NCALD: variants seen among roughly 807,000 people sequenced by gnomAD.
NCALD encodes neurocalcin-delta.
NCALD carries 10 observed loss-of-function variants against 18.6 expected under a neutral mutation model. The observed-to-expected ratio is 0.54, with a 90% CI of 0.33 to 0.91. The LOEUF is 0.91. NCALD is among the 40% of genes least tolerant of loss of function. The pLI, the probability that NCALD is intolerant of heterozygous loss-of-function variation, is 0.03. For synonymous variants in NCALD, 88 were observed against 87.4 expected (o/e 1.01, Z -0.04); for missense variants, 184 against 247.6 (o/e 0.74, Z 1.72).
intron 4 of NCALD, among the ~76,000 whole-genome samples, chr8:101,797,807 T>G (rs1229151028): frequency 1.3e-5 from 2 of 149,400 alleles, no homozygotes; most frequent in Non-Finnish European, 3.0e-5. Flanking sequence ...ACAGTGAGAC[T>G]CCATCTCAAA....
chr8:101,741,910 C>T (rs1265419477), intron 1 of NCALD, among the ~76,000 whole-genome samples: 1 of 129,204 alleles, frequency 7.7e-6, no homozygotes, highest in African/African-American at 2.8e-5. Flanking sequence ...GCACTCCAGC[C>T]TTGGCAATAC....
intron 2 of NCALD, among the ~76,000 whole-genome samples, chr8:101,707,039 T>C (rs1265450414): frequency 2.6e-5 from 4 of 152,198 alleles, no homozygotes; most frequent in African/African-American, 9.7e-5. Context: ...CTGTGGCCCA[T>C]GCTCATAATT....
At chr8:102,045,411 A>G (rs1823204353) in intron 1 of NCALD, among the ~76,000 whole-genome samples, 1 of 152,240 alleles carries the variant, frequency 6.6e-6, no homozygotes, top group Non-Finnish European at 1.5e-5. Flanking sequence ...GTGCTTATGA[A>G]AATGAAATTA....
At chr8:101,998,878 C>T (rs1821335328) in intron 2 of NCALD, among the ~76,000 whole-genome samples, 1 of 152,000 alleles carries the variant, frequency 6.6e-6, no homozygotes, top group Non-Finnish European at 1.5e-5. Flanking sequence ...TGAGCAAACA[C>T]AAAAGACCTA....
At chr8:101,702,823 G>T (rs923255075) in intron 2 of NCALD, among the ~76,000 whole-genome samples, 11 of 152,226 alleles carry the variant, frequency 7.2e-5, no homozygotes, top group African/African-American at 2.7e-4. Flanking sequence ...CTCCCAATGT[G>T]CTTTCCAAGA....
intron 1 of NCALD, among the ~76,000 whole-genome samples, chr8:101,785,132 C>A (rs1291171958): frequency 6.6e-6 from 1 of 152,126 alleles, no homozygotes; most frequent in Non-Finnish European, 1.5e-5. Context: ...GCTCTCTGTG[C>A]CTCAATTTCC....
At chr8:101,846,104 T>C (rs1814858173) in intron 4 of NCALD, among the ~76,000 whole-genome samples, 1 of 152,220 alleles carries the variant, frequency 6.6e-6, no homozygotes, top group African/African-American at 2.4e-5. Flanking sequence ...ATTCCATATC[T>C]TGGCTACTGT....
chr8:101,690,857 A>G (rs905258909), intron 3 of NCALD: 1 of 985,012 alleles, frequency 1.0e-6, no homozygotes, highest in Non-Finnish European at 1.2e-6. Flanking sequence ...ATCTCTGAAC[A>G]CTTTGCAGTC....
At chr8:102,084,943 G>A (rs1342795012) in intron 1 of NCALD, among the ~76,000 whole-genome samples, 1 of 152,168 alleles carries the variant, frequency 6.6e-6, no homozygotes, top group African/African-American at 2.4e-5. Context: ...GAAGTTCTGG[G>A]AAAATGAGTA....
chr8:101,746,507 T>C lies in NCALD; in HGVS notation c.-19-26859A>G, dbSNP rs186055639. On this transcript the variant is annotated intron_variant, in intron 1 of 3. Coordinates refer to ENST00000220931, the MANE Select transcript of NCALD (RefSeq NM_032041.3). ...CATGTTCACTTCAGCCTCTTCAGGA[T>C]GGAAACACAAGAACACATTCAAGGC... is the stretch of plus-strand genomic sequence containing the variant. 7.9e-5 allele frequency among the ~76,000 whole-genome samples: 12 copies of C among 152,286 alleles called. 1 individual carries two copies. The East Asian group carries it at 2.3e-3, about 29-fold the overall frequency.
At chr8:101,926,587 AT>A (rs1318833915) in intron 2 of NCALD, among the ~76,000 whole-genome samples, 1 of 152,220 alleles carries the variant, frequency 6.6e-6, no homozygotes, top group Non-Finnish European at 1.5e-5. Flanking sequence ...CTTAACTTAA[AT>A]AAGTTAAATA....
intron 1 of NCALD, among the ~76,000 whole-genome samples, chr8:101,784,756 A>G (rs1283501199): frequency 6.6e-6 from 1 of 152,078 alleles, no homozygotes; most frequent in East Asian, 1.9e-4. Context: ...CTATGATTAC[A>G]CCACTGCACT....
At chr8:101,943,349 A>G (rs910228916) in intron 2 of NCALD, among the ~76,000 whole-genome samples, 2 of 152,230 alleles carry the variant, frequency 1.3e-5, no homozygotes, top group Non-Finnish European at 2.9e-5. Flanking sequence ...GCCAGAAAAC[A>G]ATCCTTTCCT....
intron 1 of NCALD, among the ~76,000 whole-genome samples, chr8:102,123,109 C>G (rs583374): frequency 3.9e-5 from 6 of 152,364 alleles, no homozygotes; most frequent in East Asian, 1.9e-4. Context: ...AGCATTTCCA[C>G]TTAGGTCTGA....
chr8:101,903,478 G>C lies in NCALD; in HGVS notation c.-107+12331C>G, dbSNP rs560188808. Among the ~76,000 whole-genome samples, 25 of 152,278 alleles carry C rather than the reference G, an allele frequency of 1.6e-4. No homozygotes were observed. The South Asian group carries it at 3.9e-3, about 24-fold the overall frequency. On this transcript the variant is annotated intron_variant, in intron 3 of 6. Transcript: ENST00000311028. ...CCAAAGTGCTGGGGATTACAGGCTT[G>C]AGCCACCACACCCAGGCTATGTTTA...
rs554629056 is a variant in NCALD at position 102,104,711 on chromosome 8, C to A, written c.-210+19526G>T. 5.6e-4 allele frequency among the ~76,000 whole-genome samples: 86 copies of A among 152,316 alleles called. No homozygotes were observed. The South Asian group carries it at 0.011, about 19-fold the overall frequency. ...GCATGGACAGTATCCCTTCCCATTT[C>A]TTGTAATACTAACATGTCAATTGTC... On this transcript the variant is annotated intron_variant, in intron 1 of 6. Coordinates refer to the NCALD transcript ENST00000311028.
At chr8:101,786,276 G>A (rs1346616691) in intron 1 of NCALD, among the ~76,000 whole-genome samples, 1 of 152,156 alleles carries the variant, frequency 6.6e-6, no homozygotes, top group African/African-American at 2.4e-5. Context: ...AAAAGCCAGG[G>A]TCCATAAAGG....
intron 4 of NCALD, chr8:101,887,046 A>G (rs906298881): frequency 6.6e-6 from 1 of 152,220 alleles, no homozygotes; most frequent in African/African-American, 2.4e-5. Flanking sequence ...ATACAAATAT[A>G]TAAACACACA....
At chr8:102,050,951 T>C (rs1305253597) in intron 1 of NCALD, among the ~76,000 whole-genome samples, 1 of 148,000 alleles carries the variant, frequency 6.8e-6, no homozygotes, top group East Asian at 1.9e-4. Context: ...TTGTATATAA[T>C]TTATATATAC....
Sources: allele counts gnomAD v4.1 joint callset (sites outside exome capture counted in the v4.1 genomes callset), GRCh38; gene constraint gnomAD v4.1.1; transcripts MANE v1.5; gene names NCBI Gene and HGNC (gene_info 2026-07-23, HGNC 2026-07-21).